CHCHD6: variants seen among roughly 807,000 people sequenced by gnomAD.
CHCHD6 encodes MICOS complex subunit MIC25.
In CHCHD6, 28 loss-of-function variants were observed where a neutral mutation model predicts 32.3. The observed-to-expected ratio is 0.87, with a 90% CI of 0.64 to 1.19. CHCHD6 has a LOEUF of 1.19. Ranked by LOEUF, CHCHD6 falls within the 50% of genes most tolerant of loss-of-function variation. The probability of loss-of-function intolerance (pLI) is 0.00; values close to 1 mark genes in which losing one functional copy is unlikely to be tolerated. For synonymous variants in CHCHD6, 122 were observed against 117.5 expected (o/e 1.04, Z -0.25); for missense variants, 333 against 307.0 (o/e 1.08, Z -0.63).
At chr3:126,795,845 G>A (rs1938766898) in intron 4 of CHCHD6, among the ~76,000 whole-genome samples, 1 of 152,078 alleles carries the variant, frequency 6.6e-6, no homozygotes, top group Non-Finnish European at 1.5e-5. Context: ...AGCCAGAATG[G>A]TTTACTTACC....
At chr3:126,847,818 T>C (rs1333596750) in intron 4 of CHCHD6, among the ~76,000 whole-genome samples, 1 of 151,196 alleles carries the variant, frequency 6.6e-6, no homozygotes, top group East Asian at 2.0e-4. Flanking sequence ...CCACCTCCCA[T>C]CCTCTCACCT....
intron 5 of CHCHD6, among the ~76,000 whole-genome samples, chr3:126,887,977 TAGCCTCTCTGCAGCTAA>T (rs1252554496): frequency 6.6e-6 from 1 of 152,222 alleles, no homozygotes; most frequent in Non-Finnish European, 1.5e-5. Context: ...ATCCACTTCC[TAGCCTCTCTGCAGCTAA>T]AGGTGGCTGA....
intron 4 of CHCHD6, among the ~76,000 whole-genome samples, chr3:126,838,705 C>T (rs1940957264): frequency 6.6e-6 from 1 of 152,150 alleles, no homozygotes; most frequent in Non-Finnish European, 1.5e-5. Context: ...AGGGCAGAAT[C>T]ACAGCAAACC....
At chr3:126,931,111 G>A (rs143480836) in intron 6 of CHCHD6, among the ~76,000 whole-genome samples, 198 of 152,300 alleles carry the variant, frequency 1.3e-3, no homozygotes, top group African/African-American at 4.7e-3. Flanking sequence ...GTGGAGCAGG[G>A]CGCCAAGGGA....
rs575848618 is a variant in CHCHD6 at position 126,923,963 on chromosome 3, A to T, written c.566+9213A>T. Among the ~76,000 whole-genome samples the T allele has an allele frequency of 3.9e-5, 6 of 152,294 alleles. No homozygotes were observed. The South Asian group carries it at 1.2e-3, about 32-fold the overall frequency. ...GGAGCCCACAGCTCTCCTTTTGGGG[A>T]TGTATCCCAGAGAGATGCTCACCTG... On this transcript the variant is annotated intron_variant, in intron 6 of 7. Coordinates refer to ENST00000290913, the MANE Select transcript of CHCHD6 (RefSeq NM_032343.3).
intron 4 of CHCHD6, among the ~76,000 whole-genome samples, chr3:126,775,462 T>A (rs1311164850): frequency 6.6e-6 from 1 of 152,212 alleles, no homozygotes; most frequent in Non-Finnish European, 1.5e-5. Context: ...GCTGTATCAG[T>A]TAAGGCCCAG....
At position 126,768,721 on chromosome 3, in the gene CHCHD6, C is replaced by T. The variant is rs568646824; in HGVS notation, c.411+35499C>T. 1.6e-4 allele frequency among the ~76,000 whole-genome samples: 25 copies of T among 152,256 alleles called. No homozygotes were observed. The East Asian group carries it at 1.7e-3, about 11-fold the overall frequency. On this transcript the variant is annotated intron_variant, in intron 4 of 7. Coordinates refer to ENST00000290913, the MANE Select transcript of CHCHD6 (RefSeq NM_032343.3). ...AAGCATACCCTTTTCCCCACAACCT[C>T]GCCAACATCTATTATTTTTTGACTT...
At chr3:126,849,733 A>G (rs902690128) in intron 4 of CHCHD6, among the ~76,000 whole-genome samples, 35 of 152,302 alleles carry the variant, frequency 2.3e-4, no homozygotes, top group African/African-American at 7.7e-4. Flanking sequence ...ATTTATCTGC[A>G]CACACATTTG....
chr3:126,861,722 C>G (rs1941884603), intron 5 of CHCHD6, among the ~76,000 whole-genome samples: 1 of 139,096 alleles, frequency 7.2e-6, no homozygotes, highest in African/African-American at 2.7e-5. Flanking sequence ...ACCATCACCA[C>G]CTCCCCCTTC....
intron 5 of CHCHD6, among the ~76,000 whole-genome samples, chr3:126,881,120 A>G (rs951639557): frequency 2.6e-5 from 4 of 152,254 alleles, no homozygotes; most frequent in Non-Finnish European, 5.9e-5. Context: ...AAAGAAAGTT[A>G]ATGGCTGCCA....
At chr3:126,731,001 G>A (rs374826881) in intron 3 of CHCHD6, among the ~76,000 whole-genome samples, 10 of 150,452 alleles carry the variant, frequency 6.6e-5, no homozygotes, top group African/African-American at 2.2e-4. Context: ...CCAGTTACTC[G>A]GGAGGCTGAG....
chr3:126,902,716 CA>C (rs748684166), intron 5 of CHCHD6, among the ~76,000 whole-genome samples: 5,796 of 95,572 alleles, frequency 0.061, 223 homozygotes, highest in African/African-American at 0.15. Context: ...GACTCCATCT[CA>C]AAAAAAAAAA....
intron 4 of CHCHD6, among the ~76,000 whole-genome samples, chr3:126,764,654 C>G (rs775061998): frequency 6.6e-6 from 1 of 152,154 alleles, no homozygotes; most frequent in African/African-American, 2.4e-5. Flanking sequence ...GCTAGGACTT[C>G]GGGTGCTGCG....
chr3:126,857,108 C>T (rs1223612338), intron 5 of CHCHD6, among the ~76,000 whole-genome samples: 1 of 152,098 alleles, frequency 6.6e-6, no homozygotes, highest in Non-Finnish European at 1.5e-5. Flanking sequence ...TGCTAAATGC[C>T]AGGTGCAGAG....
chr3:126,732,089 A>G lies in CHCHD6; in HGVS notation c.267-989A>G, dbSNP rs1022806767. On this transcript the variant is annotated intron_variant, in intron 3 of 7. Coordinates refer to ENST00000290913, the MANE Select transcript of CHCHD6 (RefSeq NM_032343.3). ...GTGAGACCCAAAACCAAAAAAAAAA[A>G]AAAAAAAAAGAGGAAAAAAAGCCAA... Among the ~76,000 whole-genome samples, 38 of 151,884 alleles carry G rather than the reference A, an allele frequency of 2.5e-4. No homozygotes were observed. In the South Asian group the frequency reaches 7.3e-3, roughly 29 times the overall value.
chr3:126,888,365 C>G lies in CHCHD6; in HGVS notation c.496-26315C>G, dbSNP rs559887781. On this transcript the variant is annotated intron_variant, in intron 5 of 7. Coordinates refer to ENST00000290913, the MANE Select transcript of CHCHD6 (RefSeq NM_032343.3). ...AATCTAGCCCTAGCTGATAAAGAGC[C>G]TCTTGAAACATATTCTGTTATCTAA... 2.0e-5 allele frequency among the ~76,000 whole-genome samples: 3 copies of G among 152,342 alleles called. No homozygotes were observed. The East Asian group carries it at 5.8e-4, about 29-fold the overall frequency.
At chr3:126,866,471 T>G (rs1942292107) in intron 5 of CHCHD6, among the ~76,000 whole-genome samples, 2 of 152,204 alleles carry the variant, frequency 1.3e-5, no homozygotes, top group South Asian at 4.1e-4. Context: ...CTCCTGTCAT[T>G]CCCGTTTTAC....
At chr3:126,955,218 A>G in intron 6 of CHCHD6, among the ~76,000 whole-genome samples, 1 of 152,232 alleles carries the variant, frequency 6.6e-6, no homozygotes, top group Middle Eastern at 3.2e-3. Flanking sequence ...CTGGAGACAA[A>G]TCAGGGGCTG....
intron 4 of CHCHD6, among the ~76,000 whole-genome samples, chr3:126,742,403 C>G (rs1454670480): frequency 6.6e-6 from 1 of 152,188 alleles, no homozygotes; most frequent in East Asian, 1.9e-4. Context: ...GGTATCTCCC[C>G]TAAGAAAACT....
Sources: gnomAD v4.1 joint callset for allele counts (sites outside exome capture counted in the v4.1 genomes callset) on GRCh38, gnomAD v4.1.1 for gene constraint, MANE v1.5 for transcripts, NCBI Gene and HGNC (gene_info 2026-07-23, HGNC 2026-07-21) for gene names.